The following EPHX3 variants were observed in gnomAD, a reference collection of about 807,000 sequenced individuals.
EPHX3 encodes abhydrolase domain containing 9.
Under a neutral mutation model 40.2 loss-of-function variants are expected in EPHX3, and 39 were observed. That is an observed-to-expected ratio of 0.97 (90% CI 0.75 to 1.27). The LOEUF (loss-of-function observed/expected upper bound fraction) is 1.27. Ranked by LOEUF, EPHX3 falls within the 50% of genes most tolerant of loss-of-function variation. EPHX3 has a pLI of 0.00. For synonymous variants in EPHX3, 213 were observed against 209.7 expected, an observed-to-expected ratio of 1.02 and a Z score of -0.14; for missense variants, 442 against 474.0, an observed-to-expected ratio of 0.93 and a Z score of 0.63.
At chr19:15,234,488 CAG>C (rs1271764038), upstream of EPHX3, among the ~76,000 whole-genome samples, 5 of 152,128 alleles carry the variant, frequency 3.3e-5, no homozygotes, top group South Asian at 2.1e-4. Flanking sequence ...AAAAACTTTT[CAG>C]AGAGACGACT....
upstream of EPHX3, chr19:15,236,311 AC>A (rs1421005666): frequency 6.6e-6 from 1 of 152,186 alleles, no homozygotes; most frequent in Non-Finnish European, 1.5e-5. Context: ...AAGTGGACAC[AC>A]AGGCAGAGCA....
upstream of EPHX3, among the ~76,000 whole-genome samples, chr19:15,235,255 C>T (rs2047183399): frequency 6.6e-6 from 1 of 152,044 alleles, no homozygotes; most frequent in Admixed American, 6.6e-5. Context: ...ATCCTCCCAC[C>T]CCGGCCTCCC....
At chr19:15,234,059 CAAAA>C (rs544530627), upstream of EPHX3, among the ~76,000 whole-genome samples, 5 of 97,650 alleles carry the variant, frequency 5.1e-5, no homozygotes, top group East Asian at 1.0e-3. Flanking sequence ...GACTCCGTCT[CAAAA>C]AAAAAAAAAA....
At position 15,227,622 on chromosome 19, in the gene EPHX3, A is replaced by T; in HGVS notation, c.898T>A (p.Leu300Met). 1 of 1,614,098 alleles carries T rather than the reference A, an allele frequency of 6.2e-7. No homozygotes were observed. The highest frequency in any genetic ancestry group is 2.2e-5 in the East Asian group (1 of 44,878). The change falls in exon 7 of 7, where the codon TTG becomes ATG. Residue 300 changes from leucine (L) to methionine (M), a missense_variant. By Grantham distance (15) the Leu-to-Met change is conservative (BLOSUM62 2). Coordinates refer to ENST00000221730, the MANE Select transcript of EPHX3 (RefSeq NM_024794.3). ...GTGTCCTTCTCCCCCCACAGCAGCA[A>T]TGTGGGTGTGGTCAGCTCCTGGGGT... ...LEPQELTTPTLLLWGEKDTYL... is the reference protein window; with the variant it reads ...LEPQELTTPTMLLWGEKDTYL...
upstream of EPHX3, among the ~76,000 whole-genome samples, chr19:15,235,048 CTGGAATGCAG>C (rs1468119873): frequency 1.3e-5 from 2 of 152,150 alleles, no homozygotes; most frequent in Non-Finnish European, 2.9e-5. Flanking sequence ...ATCACCCAAG[CTGGAATGCAG>C]TGGTGTGATC....
upstream of EPHX3, among the ~76,000 whole-genome samples, chr19:15,234,565 A>G (rs1418960963): frequency 1.3e-5 from 2 of 152,134 alleles, no homozygotes. Flanking sequence ...TCCACCTCCC[A>G]AAGTGGGATT....
upstream of EPHX3, among the ~76,000 whole-genome samples, chr19:15,234,830 A>T (rs1026605366): frequency 1.3e-5 from 2 of 152,226 alleles, no homozygotes; most frequent in African/African-American, 4.8e-5. Flanking sequence ...TTGCCACTTA[A>T]AGGTGAATAG....
chr19:15,228,121 G>C (rs755121559), intron 4 of EPHX3, 21 bp from the exon 5 acceptor site: 1 of 1,535,742 alleles, frequency 6.5e-7, no homozygotes. Context: ...AGGGTTGGGG[G>C]AGAGATATAA....
chr19:15,231,897 C>T (rs759177657), intron 1 of EPHX3, 36 bp from the exon 2 acceptor site: 2 of 1,612,920 alleles, frequency 1.2e-6, no homozygotes, highest in African/African-American at 1.3e-5. Flanking sequence ...CTGGGGAACC[C>T]TCTCTCCCGA....
chr19:15,234,869 G>T (rs187950960), upstream of EPHX3, among the ~76,000 whole-genome samples: 1 of 152,326 alleles, frequency 6.6e-6, no homozygotes, highest in African/African-American at 2.4e-5. Flanking sequence ...AGTGAACAAT[G>T]CATCTCAAGA....
chr19:15,231,457 C>T (rs952819259), intron 2 of EPHX3, 61 bp from the exon 3 acceptor site: 60 of 1,567,138 alleles, frequency 3.8e-5, no homozygotes, highest in South Asian at 3.4e-4. Flanking sequence ...CTGCACCCTA[C>T]GCACATCAGC....
chr19:15,234,445 C>T (rs1253732495), upstream of EPHX3, among the ~76,000 whole-genome samples: 1 of 152,062 alleles, frequency 6.6e-6, no homozygotes, highest in Non-Finnish European at 1.5e-5. Context: ...GTTGGGACTA[C>T]AGGCCTGTGC....
intron 4 of EPHX3, 85 bp downstream of exon 4, chr19:15,230,877 G>A (rs1406203539): frequency 1.9e-6 from 3 of 1,556,104 alleles, no homozygotes; most frequent in Non-Finnish European, 2.6e-6. Flanking sequence ...GTGTTGACAG[G>A]TATACAGAGA....
Position 15,231,062 on chromosome 19 carries a change from A to T in EPHX3, c.516T>A (p.His172Gln), listed in dbSNP as rs199868812. 1.7e-5 allele frequency: 28 copies of T among 1,613,976 alleles called. No individual in the cohort carries two copies. Among genetic ancestry groups the T allele is most frequent in the Non-Finnish European group, 2.1e-5 (25 of 1,180,028 alleles). The change falls in exon 4 of 7, where the codon CAT becomes CAA. Residue 172 changes from histidine (H) to glutamine (Q), a missense_variant. Transcript: ENST00000221730. ...LGYSKCILVA[H>Q]DWGALLAWHF... ...GCCAGGCAAGGAGGGCACCCCAGTC[A>T]TGGGCCACAAGGATGCACTTCGAGT...
chr19:15,231,931 G>C (rs980731706), intron 1 of EPHX3, 38 bp downstream of exon 1: 7 of 1,612,578 alleles, frequency 4.3e-6, no homozygotes, highest in African/African-American at 1.3e-5. Context: ...TCGACCCCAC[G>C]CGACCCCGCA....
At chr19:15,229,561 C>T (rs2047137043) in intron 4 of EPHX3, among the ~76,000 whole-genome samples, 1 of 148,842 alleles carries the variant, frequency 6.7e-6, no homozygotes, top group Admixed American at 6.7e-5. Context: ...GACATTGCGC[C>T]ACTGCACTGC....
At chr19:15,231,189 G>C (rs147393873) in intron 3 of EPHX3, 50 bp downstream of exon 3, 38 of 1,612,706 alleles carry the variant, frequency 2.4e-5, no homozygotes, top group Admixed American at 8.3e-5. Flanking sequence ...GGGGGTATGC[G>C]TGTGTGCAGG....
In EPHX3 at chr19:15,232,359, C is replaced by T. The variant is rs1160446834; in HGVS notation, c.-148G>A. 1 of 1,373,220 alleles carries T rather than the reference C, an allele frequency of 7.3e-7. No individual in the cohort carries two copies. The highest frequency in any genetic ancestry group is 1.7e-5 in the South Asian group (1 of 59,168). The allele number at this position is 1,373,220 out of a possible 1,614,324, so 85.1% of individuals were successfully genotyped here. On this transcript the variant is annotated 5_prime_UTR_variant, in exon 1 of 7. Transcript: ENST00000221730. Reference sequence around the variant, plus strand: ...TTGTGGGACGCGCTGAAGGAAGAGGCGGGCGGCTCCGACAGAAAACAGCCA... The same window carrying T: ...TTGTGGGACGCGCTGAAGGAAGAGGTGGGCGGCTCCGACAGAAAACAGCCA...
intron 4 of EPHX3, among the ~76,000 whole-genome samples, chr19:15,228,458 C>T (rs1344324886): frequency 3.3e-5 from 5 of 150,764 alleles, no homozygotes; most frequent in Non-Finnish European, 7.4e-5. Flanking sequence ...ACAGTCAAAA[C>T]TCCCTGTTCA....
Sources: gnomAD v4.1 joint callset for allele counts (sites outside exome capture counted in the v4.1 genomes callset) on GRCh38, gnomAD v4.1.1 for gene constraint, MANE v1.5 for transcripts, NCBI Gene and HGNC (gene_info 2026-07-23, HGNC 2026-07-21) for gene names.